GRAMD2B: variants seen among roughly 807,000 people sequenced by gnomAD.
The protein encoded by GRAMD2B is GRAM domain containing 2B, also known as GRAM domain-containing protein 2B.
GRAMD2B carries 41 observed loss-of-function variants against 59.2 expected under a neutral mutation model. The ratio of observed to expected loss-of-function variants is 0.69; its 90% CI spans 0.54 to 0.90. The LOEUF is 0.90. Ranked by LOEUF, GRAMD2B falls within the 40% of genes least tolerant of loss-of-function variation. The probability of loss-of-function intolerance (pLI) is 0.00; values close to 1 mark genes in which losing one functional copy is unlikely to be tolerated. For synonymous variants in GRAMD2B, 161 were observed against 182.7 expected, an observed-to-expected ratio of 0.88 and a Z score of 0.96; for missense variants, 424 against 500.5, an observed-to-expected ratio of 0.85 and a Z score of 1.46.
intron 1 of GRAMD2B, among the ~76,000 whole-genome samples, chr5:126,455,650 T>C (rs1766151411): frequency 6.6e-6 from 1 of 152,196 alleles, no homozygotes; most frequent in African/African-American, 2.4e-5. Flanking sequence ...GTAATGAAAG[T>C]TTTGATTTCT....
chr5:126,387,451 T>A (rs1345402140), intron 1 of GRAMD2B, among the ~76,000 whole-genome samples: 3 of 151,852 alleles, frequency 2.0e-5, no homozygotes, highest in African/African-American at 7.2e-5. Context: ...GTTTATTTTC[T>A]GGAAATATAA....
At chr5:126,448,317 C>A (rs761581232) in intron 1 of GRAMD2B, among the ~76,000 whole-genome samples, 2 of 151,970 alleles carry the variant, frequency 1.3e-5, no homozygotes, top group Non-Finnish European at 2.9e-5. Context: ...AGAGCTAAAT[C>A]TTGAAAGATA....
At chr5:126,488,343 T>A (rs1030575154) in intron 12 of GRAMD2B, among the ~76,000 whole-genome samples, 4 of 152,280 alleles carry the variant, frequency 2.6e-5, no homozygotes, top group Middle Eastern at 3.4e-3. Context: ...AAGAAGAAAC[T>A]ACAAAAGTCT....
chr5:126,468,480 T>C (rs1581176334), intron 2 of GRAMD2B, among the ~76,000 whole-genome samples: 1 of 152,140 alleles, frequency 6.6e-6, no homozygotes, highest in Non-Finnish European at 1.5e-5. Context: ...ATTTATTTAC[T>C]TTTTTTAATT....
chr5:126,367,432 T>TGGAGGAGGAGGAGGAGGA (rs70994862), upstream of GRAMD2B, among the ~76,000 whole-genome samples: 13 of 140,764 alleles, frequency 9.2e-5, no homozygotes, highest in South Asian at 1.4e-3. Context: ...CTGTAAAAAC[T>TGGAGGAGGAGGAGGAGGA]GGAGGAGGAG....
At chr5:126,403,332 G>T (rs1040562156) in intron 1 of GRAMD2B, among the ~76,000 whole-genome samples, 5 of 151,992 alleles carry the variant, frequency 3.3e-5, no homozygotes, top group African/African-American at 1.2e-4. Context: ...GCAAACCTAG[G>T]AATCTGAGTT....
chr5:126,367,346 G>A (rs1012374164), upstream of GRAMD2B, among the ~76,000 whole-genome samples: 2 of 151,844 alleles, frequency 1.3e-5, no homozygotes, highest in South Asian at 4.2e-4. Context: ...CCATGGCTCT[G>A]GAAAACTCCA....
intron 1 of GRAMD2B, among the ~76,000 whole-genome samples, chr5:126,433,349 C>A (rs1328954535): frequency 6.6e-6 from 1 of 152,124 alleles, no homozygotes; most frequent in East Asian, 1.9e-4. Context: ...TAAACTGAAC[C>A]AGCTTCCTAA....
At chr5:126,440,534 C>A (rs187917063) in intron 1 of GRAMD2B, among the ~76,000 whole-genome samples, 1 of 152,142 alleles carries the variant, frequency 6.6e-6, no homozygotes, top group East Asian at 1.9e-4. Flanking sequence ...AACTGGTTAG[C>A]CATTTGGGAA....
intron 1 of GRAMD2B, among the ~76,000 whole-genome samples, chr5:126,399,002 T>G (rs1043417662): frequency 6.6e-6 from 1 of 152,232 alleles, no homozygotes; most frequent in African/African-American, 2.4e-5. Context: ...AAGACTTATT[T>G]TGTGACCTAA....
chr5:126,394,274 C>CA (rs372281197), intron 1 of GRAMD2B, among the ~76,000 whole-genome samples: 3,573 of 118,906 alleles, frequency 0.03, 67 homozygotes, highest in African/African-American at 0.062. Context: ...GACTCTGTCT[C>CA]AAAAAAAAAA....
intron 1 of GRAMD2B, among the ~76,000 whole-genome samples, chr5:126,408,778 T>C (rs185724099): frequency 3.4e-4 from 51 of 150,410 alleles, no homozygotes; most frequent in East Asian, 1.2e-3. Context: ...CATGCTGGTG[T>C]GCTGCACCCA....
At chr5:126,465,616 G>GT (rs1452194460) in intron 2 of GRAMD2B, 71 bp downstream of exon 2, 2 of 1,426,676 alleles carry the variant, frequency 1.4e-6, no homozygotes, top group Non-Finnish European at 1.9e-6. Context: ...AGGAGCAGGG[G>GT]TTTTTTGTTA....
intron 1 of GRAMD2B, among the ~76,000 whole-genome samples, chr5:126,405,493 G>A (rs1758190323): frequency 6.6e-6 from 1 of 151,852 alleles, no homozygotes; most frequent in Admixed American, 6.6e-5. Flanking sequence ...ATCTGTGCGA[G>A]GCACAGTGCC....
At chr5:126,435,743 G>A (rs1166915623) in intron 1 of GRAMD2B, among the ~76,000 whole-genome samples, 1 of 152,200 alleles carries the variant, frequency 6.6e-6, no homozygotes, top group Non-Finnish European at 1.5e-5. Context: ...AATTCTATTA[G>A]ACTGAACAAA....
intron 1 of GRAMD2B, among the ~76,000 whole-genome samples, chr5:126,415,437 T>G (rs1291386503): frequency 6.6e-6 from 1 of 151,828 alleles, no homozygotes; most frequent in Non-Finnish European, 1.5e-5. Flanking sequence ...TATTTTTATA[T>G]CTCCATCACC....
At chr5:126,407,076 CA>C (rs1210685062) in intron 1 of GRAMD2B, among the ~76,000 whole-genome samples, 1 of 151,982 alleles carries the variant, frequency 6.6e-6, no homozygotes, top group East Asian at 1.9e-4. Flanking sequence ...ATTCTTGCTA[CA>C]TTTGCTTTCA....
intron 1 of GRAMD2B, among the ~76,000 whole-genome samples, chr5:126,460,247 G>A (rs1156647720): frequency 6.6e-6 from 1 of 152,236 alleles, no homozygotes; most frequent in Non-Finnish European, 1.5e-5. Context: ...TTGCTGGGAA[G>A]AGTAGGTGCC....
chr5:126,484,420 C>A lies in GRAMD2B; in HGVS notation c.866C>A (p.Ser289Tyr), dbSNP rs1005882331. The change falls in exon 10 of 14, where the codon TCC (serine) becomes TAC (tyrosine). Residue 289 changes from serine (S) to tyrosine (Y), a missense_variant. Coordinates refer to ENST00000285689, the MANE Select transcript of GRAMD2B (RefSeq NM_023927.4). The stretch of plus-strand genomic sequence containing the variant: ...TTAGTAGATTTCCATGCGACAGAAT[C>A]CCAAACAGTTCTGAATGTCTCCAAG... Reference protein sequence around the residue: ...ENSRDFHATESQTVLNVSKGE... With the variant: ...ENSRDFHATEYQTVLNVSKGE... The A allele has an allele frequency of 2.5e-6, 4 of 1,613,850 alleles. No homozygotes were observed. The highest frequency in any genetic ancestry group is 2.5e-6 in the Non-Finnish European group (3 of 1,179,978).
Sources: gnomAD v4.1 joint callset for allele counts (sites outside exome capture counted in the v4.1 genomes callset) on GRCh38, gnomAD v4.1.1 for gene constraint, MANE v1.5 for transcripts, NCBI Gene and HGNC (gene_info 2026-07-23, HGNC 2026-07-21) for gene names.